CLSTN2: variants seen among roughly 807,000 people sequenced by gnomAD.
CLSTN2 encodes the protein calsyntenin 2.
A neutral mutation model predicts 101.2 loss-of-function variants in CLSTN2; 48 were observed. The observed-to-expected ratio is 0.47, with a 90% confidence interval of 0.38 to 0.60. The LOEUF (loss-of-function observed/expected upper bound fraction) is 0.60. CLSTN2 is among the 20% of genes least tolerant of loss of function. The pLI, the probability that CLSTN2 is intolerant of heterozygous loss-of-function variation, is 0.00. For missense variants in CLSTN2, 1,160 were observed against 1,238.2 expected (o/e 0.94, Z 0.95); for synonymous variants, 481 against 463.6 (o/e 1.04, Z -0.48).
At chr3:140,084,924 T>C (rs1301500392) in intron 1 of CLSTN2, among the ~76,000 whole-genome samples, 1 of 152,240 alleles carries the variant, frequency 6.6e-6, no homozygotes, top group Admixed American at 6.5e-5. Flanking sequence ...TGAATGTGTG[T>C]GCATACACAT....
At chr3:140,028,603 G>T (rs2007472298) in intron 1 of CLSTN2, among the ~76,000 whole-genome samples, 1 of 152,176 alleles carries the variant, frequency 6.6e-6, no homozygotes, top group African/African-American at 2.4e-5. Flanking sequence ...TACAAGTGTG[G>T]GTGAAAGAAT....
At chr3:140,455,884 T>G (rs778700388) in intron 6 of CLSTN2, among the ~76,000 whole-genome samples, 1 of 152,244 alleles carries the variant, frequency 6.6e-6, no homozygotes, top group Non-Finnish European at 1.5e-5. Context: ...CTTGATGGTT[T>G]CTGGCAGGCA....
chr3:140,420,707 A>T (rs995780727), intron 4 of CLSTN2, among the ~76,000 whole-genome samples: 5 of 152,236 alleles, frequency 3.3e-5, no homozygotes, highest in African/African-American at 9.6e-5. Flanking sequence ...GATGTTAAAA[A>T]ATATGTGTCA....
chr3:140,492,506 A>G (rs1384106363), intron 8 of CLSTN2, among the ~76,000 whole-genome samples: 3 of 152,204 alleles, frequency 2.0e-5, no homozygotes, highest in East Asian at 1.9e-4. Flanking sequence ...CTGAGTGTAT[A>G]CTGTGTTCTG....
At chr3:139,959,342 T>C (rs1935463144) in intron 1 of CLSTN2, among the ~76,000 whole-genome samples, 1 of 152,228 alleles carries the variant, frequency 6.6e-6, no homozygotes. Context: ...ATTTTTCATG[T>C]TACATTTCCT....
chr3:139,935,453 A>G lies in CLSTN2; in HGVS notation c.79A>G (p.Ser27Gly). The change falls in exon 1 of 17, where the codon AGC becomes GGC. Residue 27 changes from serine to glycine, a missense_variant. Physicochemically the swap from Ser to Gly is moderately conservative, Grantham distance 56. Coordinates refer to ENST00000458420, the MANE Select transcript of CLSTN2 (RefSeq NM_022131.3). This position sits in a 1 kb window ranked among gnomAD's most constrained non-coding sequence, Gnocchi z 5.5. ...VGSGSGGGGD[S>G]RQRRLLAAKV... ...GAGCGGCAGCGGCGGTGGCGGGGAC[A>G]GCCGGCAGCGCCGCCTCCTCGCGGC... The G allele has an allele frequency of 1.6e-6, 2 of 1,230,430 alleles. No individual in the cohort carries two copies. Among genetic ancestry groups the G allele is most frequent in the Non-Finnish European group, 2.0e-6 (2 of 986,552 alleles). The allele number at this position is 1,230,430 out of a possible 1,614,324, so 76.2% of individuals were successfully genotyped here.
In CLSTN2 at chr3:140,404,673, G is replaced by C. The variant is rs1473541975; in HGVS notation, c.544G>C (p.Glu182Gln). The C allele has an allele frequency of 1.9e-6, 3 of 1,614,194 alleles. No homozygotes were observed. The Admixed American group carries it at 5.0e-5, about 27-fold the overall frequency. Residue 182 changes from glutamate (E) to glutamine (Q), a missense_variant, in exon 4 of 17, where the codon GAG becomes CAG. Physicochemically the swap from Glu to Gln is conservative, Grantham distance 29. Transcript: ENST00000458420. ...GKIYDSILQV[E>Q]AIDEDCSPQY... ...GATCTATGACAGCATTCTGCAGGTG[G>C]AGGCCATTGACGAGGACTGCTCCCC...
chr3:139,936,328 G>T (rs1935019325), intron 1 of CLSTN2, among the ~76,000 whole-genome samples: 1 of 152,198 alleles, frequency 6.6e-6, no homozygotes, highest in Admixed American at 6.5e-5. Context: ...GCTTGCAGGG[G>T]GTGGGGAGGC....
intron 1 of CLSTN2, among the ~76,000 whole-genome samples, chr3:140,117,498 C>A (rs1417638565): frequency 6.6e-6 from 1 of 152,140 alleles, no homozygotes; most frequent in Non-Finnish European, 1.5e-5. Flanking sequence ...GACTCAGAGC[C>A]AGCCTATGAC....
intron 2 of CLSTN2, among the ~76,000 whole-genome samples, chr3:140,342,242 T>A (rs1441081298): frequency 6.6e-6 from 1 of 152,120 alleles, no homozygotes; most frequent in Non-Finnish European, 1.5e-5. Context: ...TATTGCAAGA[T>A]GTTTAGCAGC....
intron 4 of CLSTN2, among the ~76,000 whole-genome samples, chr3:140,405,316 G>A (rs557238950): frequency 2.0e-5 from 3 of 151,686 alleles, no homozygotes; most frequent in South Asian, 2.1e-4. Context: ...CAACCTCCAC[G>A]TCCTGGGTTC....
At chr3:140,327,785 CT>C (rs2087346025) in intron 2 of CLSTN2, among the ~76,000 whole-genome samples, 1 of 152,184 alleles carries the variant, frequency 6.6e-6, no homozygotes, top group Non-Finnish European at 1.5e-5. Context: ...TGTCAGTTTT[CT>C]TGCCACTCAT....
Position 140,339,292 on chromosome 3 carries a change from G to A in CLSTN2, c.233-64337G>A, listed in dbSNP as rs575209359. ...CCAGTGTTCTGTGTGGAGGGTAGAA[G>A]AATGCTAGCAGACTGATTCTCTCTC... On this transcript the variant is annotated intron_variant, in intron 2 of 16. Transcript: ENST00000458420. Among the ~76,000 whole-genome samples, 394 of 152,250 alleles carry A rather than the reference G, an allele frequency of 2.6e-3. 1 individual carries two copies. Among genetic ancestry groups the A allele is most frequent in the African/African-American group, 8.3e-3 (345 of 41,534 alleles).
intron 1 of CLSTN2, among the ~76,000 whole-genome samples, chr3:139,947,046 T>C (rs1450157388): frequency 6.6e-6 from 1 of 152,244 alleles, no homozygotes; most frequent in Non-Finnish European, 1.5e-5. Flanking sequence ...AGCACTCTCC[T>C]AGGGGCAGTG....
At position 140,178,237 on chromosome 3, in the gene CLSTN2, G is replaced by GA. The variant is rs996113119; in HGVS notation, c.232+2174dup. On this transcript the variant is annotated intron_variant, in intron 2 of 16. Coordinates refer to ENST00000458420, the MANE Select transcript of CLSTN2 (RefSeq NM_022131.3). ...GCTCTCTAATGTACAGACCACAATAGAAAAAAAAAATACCTCAAGCAAATC... is the reference window on the plus strand; with the variant it reads ...GCTCTCTAATGTACAGACCACAATAGAAAAAAAAAAATACCTCAAGCAAATC... Among the ~76,000 whole-genome samples, 52 of 147,466 alleles carry GA rather than the reference G, an allele frequency of 3.5e-4. 1 individual carries two copies. Among genetic ancestry groups the GA allele is most frequent in the Admixed American group, 1.1e-3 (17 of 14,796 alleles).
At chr3:140,480,440 T>C (rs1934089832) in intron 8 of CLSTN2, among the ~76,000 whole-genome samples, 1 of 152,244 alleles carries the variant, frequency 6.6e-6, no homozygotes, top group Non-Finnish European at 1.5e-5. Context: ...GCATGATTTA[T>C]AATCCTTTGG....
intron 1 of CLSTN2, among the ~76,000 whole-genome samples, chr3:140,102,388 C>T (rs1049658301): frequency 2.6e-5 from 4 of 152,222 alleles, no homozygotes; most frequent in Admixed American, 2.6e-4. Context: ...TTATTTCAGG[C>T]AGCCAAAAGC....
chr3:140,016,793 G>GAAAAAAAAAAAAAAA (rs56040791), intron 1 of CLSTN2, among the ~76,000 whole-genome samples: 2 of 89,284 alleles, frequency 2.2e-5, no homozygotes, highest in Non-Finnish European at 4.0e-5. Flanking sequence ...GTGAGACTCT[G>GAAAAAAAAAAAAAAA]AAAAAAAAAA....
intron 1 of CLSTN2, among the ~76,000 whole-genome samples, chr3:140,042,917 C>CT (rs2007791102): frequency 6.6e-6 from 1 of 152,194 alleles, no homozygotes; most frequent in Admixed American, 6.5e-5. Context: ...TTAATCCAGT[C>CT]TATCACTGAT....
Sources: gnomAD v4.1 joint callset for allele counts (sites outside exome capture counted in the v4.1 genomes callset) on GRCh38, gnomAD v4.1.1 for gene constraint, Gnocchi (gnomAD v3.1) non-coding constraint, MANE v1.5 for transcripts, NCBI Gene and HGNC (gene_info 2026-07-23, HGNC 2026-07-21) for gene names.